CARMIL1: variants seen among roughly 807,000 people sequenced by gnomAD.
CARMIL1 encodes capping protein regulator and myosin 1 linker 1.
Under a neutral mutation model 177.1 loss-of-function variants are expected in CARMIL1, and 90 were observed. The observed-to-expected ratio is 0.51, with a 90% CI of 0.43 to 0.61. CARMIL1 has a LOEUF of 0.61. Among genes scored for constraint, CARMIL1 ranks in the 20% least tolerant of loss-of-function variants. The probability of loss-of-function intolerance (pLI) is 0.00; values close to 1 mark genes in which losing one functional copy is unlikely to be tolerated. For missense variants in CARMIL1, 1,380 were observed against 1,667.0 expected (o/e 0.83, Z 3.00); for synonymous variants, 577 against 606.2 (o/e 0.95, Z 0.71).
At chr6:25,369,754 TG>T (rs1307289972) in intron 2 of CARMIL1, among the ~76,000 whole-genome samples, 1 of 152,208 alleles carries the variant, frequency 6.6e-6, no homozygotes, top group Non-Finnish European at 1.5e-5. Context: ...TTTGTGTGTT[TG>T]GGTGTTGAAT....
At chr6:25,437,129 TC>T (rs1265675439) in intron 5 of CARMIL1, among the ~76,000 whole-genome samples, 1 of 152,224 alleles carries the variant, frequency 6.6e-6, no homozygotes, top group Non-Finnish European at 1.5e-5. Flanking sequence ...CAACCCATCT[TC>T]CTTAAACTAC....
At chr6:25,543,690 G>A (rs1037217586) in intron 26 of CARMIL1, among the ~76,000 whole-genome samples, 14 of 152,076 alleles carry the variant, frequency 9.2e-5, no homozygotes, top group African/African-American at 3.4e-4. Context: ...AGGCCTGAGG[G>A]GTTTAGGTGG....
intron 1 of CARMIL1, among the ~76,000 whole-genome samples, chr6:25,283,282 TCA>T (rs1385979520): frequency 1.3e-5 from 2 of 152,132 alleles, no homozygotes; most frequent in Non-Finnish European, 2.9e-5. Flanking sequence ...GTGATGAATC[TCA>T]CAGTTTTGGA....
intron 8 of CARMIL1, among the ~76,000 whole-genome samples, chr6:25,457,473 A>G (rs1026690690): frequency 2.0e-5 from 3 of 152,218 alleles, no homozygotes; most frequent in African/African-American, 7.2e-5. Flanking sequence ...ATTTAATAAT[A>G]TACAAGACAT....
intron 15 of CARMIL1, 40 bp from the exon 16 acceptor site, chr6:25,495,071 G>T: frequency 9.0e-7 from 1 of 1,113,318 alleles, no homozygotes; most frequent in Non-Finnish European, 1.4e-6. Flanking sequence ...TATGTTTGAT[G>T]AAGGTGTAAC....
At chr6:25,354,645 G>T (rs1316961442) in intron 2 of CARMIL1, among the ~76,000 whole-genome samples, 2 of 150,828 alleles carry the variant, frequency 1.3e-5, no homozygotes, top group Non-Finnish European at 3.0e-5. Flanking sequence ...TGCTAAGGGT[G>T]GTGAAGTGAA....
At chr6:25,304,901 G>A (rs1561959125) in intron 2 of CARMIL1, among the ~76,000 whole-genome samples, 2 of 152,144 alleles carry the variant, frequency 1.3e-5, no homozygotes, top group African/African-American at 4.8e-5. Context: ...GTGACTGTTT[G>A]GATTGGTTCT....
At chr6:25,455,081 A>G (rs1001720273) in intron 8 of CARMIL1, among the ~76,000 whole-genome samples, 3 of 152,174 alleles carry the variant, frequency 2.0e-5, no homozygotes, top group South Asian at 2.1e-4. Flanking sequence ...GTTGGTTCCT[A>G]TGTTCCCTAT....
At chr6:25,526,299 C>T (rs376470234) in intron 23 of CARMIL1, among the ~76,000 whole-genome samples, 9 of 151,482 alleles carry the variant, frequency 5.9e-5, no homozygotes, top group South Asian at 2.1e-4. Flanking sequence ...GCCGAGATTG[C>T]GCCACTGCCC....
At chr6:25,555,584 G>C (rs12528157) in intron 28 of CARMIL1, among the ~76,000 whole-genome samples, 2 of 152,054 alleles carry the variant, frequency 1.3e-5, no homozygotes, top group African/African-American at 4.8e-5. Flanking sequence ...ATTTTAAGTA[G>C]AGATGAGGTT....
At chr6:25,313,291 T>G (rs934200635) in intron 2 of CARMIL1, among the ~76,000 whole-genome samples, 5 of 152,188 alleles carry the variant, frequency 3.3e-5, no homozygotes, top group African/African-American at 1.2e-4. Context: ...CTCCTTTCAC[T>G]CTGTTCTTGA....
At chr6:25,320,870 C>T (rs1338924434) in intron 2 of CARMIL1, among the ~76,000 whole-genome samples, 1 of 152,212 alleles carries the variant, frequency 6.6e-6, no homozygotes, top group Admixed American at 6.5e-5. Context: ...ACGTAAAATA[C>T]GCTAACACTA....
intron 13 of CARMIL1, among the ~76,000 whole-genome samples, chr6:25,489,915 TAGA>T (rs1369846033): frequency 2.0e-5 from 3 of 152,066 alleles, no homozygotes; most frequent in Admixed American, 2.0e-4. Context: ...TGTGGCAAAG[TAGA>T]AGAATAGAGG....
chr6:25,576,960 T>G, intron 29 of CARMIL1: 1 of 984,942 alleles, frequency 1.0e-6, no homozygotes, highest in Non-Finnish European at 1.2e-6. Flanking sequence ...TTTTTCTTTC[T>G]TTTTGCTGCA....
chr6:25,297,131 A>T (rs1782467220), intron 2 of CARMIL1, among the ~76,000 whole-genome samples: 2 of 152,208 alleles, frequency 1.3e-5, no homozygotes, highest in African/African-American at 4.8e-5. Flanking sequence ...TCCAATTTAT[A>T]TTCTTTGCCA....
At chr6:25,368,363 C>A (rs964885682) in intron 2 of CARMIL1, among the ~76,000 whole-genome samples, 5 of 152,180 alleles carry the variant, frequency 3.3e-5, no homozygotes, top group Non-Finnish European at 7.3e-5. Context: ...ATTTCCATTT[C>A]CCTGCCCTAG....
chr6:25,288,499 G>T (rs2690135), intron 2 of CARMIL1, among the ~76,000 whole-genome samples: 2 of 147,628 alleles, frequency 1.4e-5, no homozygotes, highest in African/African-American at 2.5e-5. Flanking sequence ...TTTTTTTTCC[G>T]TATGGAAAAA....
At chr6:25,615,080 G>A (rs917339998) in intron 36 of CARMIL1, among the ~76,000 whole-genome samples, 1 of 152,170 alleles carries the variant, frequency 6.6e-6, no homozygotes, top group Non-Finnish European at 1.5e-5. Context: ...TGTTAGTGCC[G>A]ATTCCTAGCA....
chr6:25,317,562 C>CTT (rs33992407), intron 2 of CARMIL1, among the ~76,000 whole-genome samples: 4,139 of 107,062 alleles, frequency 0.039, 314 homozygotes, highest in African/African-American at 0.12. Flanking sequence ...TTACTTAGGA[C>CTT]TTTTTTTTTT....
Sources: allele counts gnomAD v4.1 joint callset (sites outside exome capture counted in the v4.1 genomes callset), GRCh38; gene constraint gnomAD v4.1.1; transcripts MANE v1.5; gene names NCBI Gene and HGNC (gene_info 2026-07-23, HGNC 2026-07-21).